MSRA: variants seen among roughly 807,000 people sequenced by gnomAD.
MSRA encodes the protein methionine sulfoxide reductase A.
MSRA carries 54 observed loss-of-function variants against 31.3 expected under a neutral mutation model. That is an observed-to-expected ratio of 1.73 (90% confidence interval 1.39 to 2.17). The LOEUF (loss-of-function observed/expected upper bound fraction) is 2.17, where lower values mean the gene tolerates loss of function less well. Among genes scored for constraint, MSRA ranks in the 30% most tolerant of loss-of-function variants. The pLI is 0.00. For missense variants in MSRA, 507 were observed against 300.9 expected (o/e 1.69, Z -5.07); for synonymous variants, 169 against 116.5 (o/e 1.45, Z -2.90).
chr8:10,081,290 C>T (rs1031078243), intron 1 of MSRA, among the ~76,000 whole-genome samples: 2 of 152,208 alleles, frequency 1.3e-5, no homozygotes, highest in Non-Finnish European at 2.9e-5. Flanking sequence ...TAGCTGACTT[C>T]TATAACCCAC....
intron 1 of MSRA, among the ~76,000 whole-genome samples, chr8:10,153,762 G>T (rs1165939742): frequency 1.3e-5 from 2 of 152,158 alleles, no homozygotes; most frequent in Admixed American, 1.3e-4. Context: ...ATATGTTCGA[G>T]GAGGAAGCCG....
At chr8:10,285,355 A>G (rs1799878568) in intron 3 of MSRA, among the ~76,000 whole-genome samples, 1 of 151,908 alleles carries the variant, frequency 6.6e-6, no homozygotes, top group African/African-American at 2.4e-5. Context: ...TGGTTTTGTT[A>G]TTTTCATTTG....
chr8:10,169,748 A>G (rs1283486088), intron 1 of MSRA, among the ~76,000 whole-genome samples: 1 of 152,162 alleles, frequency 6.6e-6, no homozygotes, highest in Admixed American at 6.5e-5. Flanking sequence ...AAAAACTGAA[A>G]AATTCCTAAC....
chr8:10,275,092 C>CTTTTTTTTTTTTTTTTTTTTTTTTTTT (rs1563297479), intron 3 of MSRA, among the ~76,000 whole-genome samples: 1 of 152,058 alleles, frequency 6.6e-6, no homozygotes, highest in African/African-American at 2.4e-5. Context: ...GAGAATAATT[C>CTTTTTTTTTTTTTTTTTTTTTTTTTTT]TTATTTGCTG....
chr8:10,209,435 G>T (rs1239696196), intron 2 of MSRA, among the ~76,000 whole-genome samples: 1 of 152,230 alleles, frequency 6.6e-6, no homozygotes, highest in Non-Finnish European at 1.5e-5. Context: ...TTGAAGGGCA[G>T]ATTCAGTACC....
intron 1 of MSRA, among the ~76,000 whole-genome samples, chr8:10,068,704 G>T (rs1797583075): frequency 6.6e-6 from 1 of 152,202 alleles, no homozygotes; most frequent in African/African-American, 2.4e-5. Context: ...TGTTGAAGTT[G>T]AGTAGCATCG....
chr8:10,079,173 T>G (rs1391058094), intron 1 of MSRA, among the ~76,000 whole-genome samples: 1 of 152,090 alleles, frequency 6.6e-6, no homozygotes. Flanking sequence ...TTTTTCTTTT[T>G]TTTTAGGCAG....
At chr8:10,216,221 C>G (rs1315734999) in intron 2 of MSRA, among the ~76,000 whole-genome samples, 1 of 152,120 alleles carries the variant, frequency 6.6e-6, no homozygotes, top group Non-Finnish European at 1.5e-5. Flanking sequence ...ACACAGCCAA[C>G]TAACATGCAT....
chr8:10,343,603 G>A (rs371772522), intron 5 of MSRA, among the ~76,000 whole-genome samples: 15 of 152,206 alleles, frequency 9.9e-5, no homozygotes, highest in East Asian at 9.6e-4. Context: ...GCTTAGTGAG[G>A]GTAGGTAACC....
At chr8:10,167,951 C>T (rs1248656699) in intron 1 of MSRA, among the ~76,000 whole-genome samples, 2 of 152,126 alleles carry the variant, frequency 1.3e-5, no homozygotes, top group African/African-American at 2.4e-5. Flanking sequence ...CATGGGTGGC[C>T]AGGAATGGAG....
At chr8:10,076,086 G>T (rs1021081819) in intron 1 of MSRA, among the ~76,000 whole-genome samples, 1 of 104,026 alleles carries the variant, frequency 9.6e-6, no homozygotes, top group Non-Finnish European at 2.5e-5. Context: ...TGCGTCATGT[G>T]CTTACTGGCT....
chr8:10,207,497 G>A (rs925436414), intron 1 of MSRA, among the ~76,000 whole-genome samples: 7 of 152,162 alleles, frequency 4.6e-5, no homozygotes, highest in African/African-American at 1.7e-4. Flanking sequence ...TTGGAGCTTT[G>A]CTTGTTTTTT....
At chr8:10,282,418 G>C (rs1469871567) in intron 3 of MSRA, among the ~76,000 whole-genome samples, 1 of 152,188 alleles carries the variant, frequency 6.6e-6, no homozygotes, top group Non-Finnish European at 1.5e-5. Flanking sequence ...CAAGATGAAA[G>C]CTACAAAAGT....
chr8:10,145,024 A>G (rs1255332538), intron 1 of MSRA, among the ~76,000 whole-genome samples: 1 of 152,088 alleles, frequency 6.6e-6, no homozygotes, highest in Non-Finnish European at 1.5e-5. Context: ...TTTTCCTTTC[A>G]GACAATAAAT....
At chr8:10,080,778 A>C (rs1364696081) in intron 1 of MSRA, among the ~76,000 whole-genome samples, 1 of 150,592 alleles carries the variant, frequency 6.6e-6, no homozygotes, top group Non-Finnish European at 1.5e-5. Flanking sequence ...GGCTCAAGCG[A>C]TCCTCCTGCC....
intron 3 of MSRA, 54 bp downstream of exon 3, chr8:10,245,277 A>ACC: frequency 6.5e-7 from 1 of 1,543,582 alleles, no homozygotes; most frequent in Non-Finnish European, 8.8e-7. Flanking sequence ...AGGGCTTGTC[A>ACC]CTACTGTTGG....
intron 1 of MSRA, among the ~76,000 whole-genome samples, chr8:10,160,764 G>A (rs867736283): frequency 7.9e-5 from 12 of 152,026 alleles, no homozygotes; most frequent in African/African-American, 2.4e-4. Flanking sequence ...TCCTGACCTC[G>A]TGATCCACAC....
At chr8:10,349,338 C>T (rs951708423) in intron 5 of MSRA, among the ~76,000 whole-genome samples, 5 of 152,152 alleles carry the variant, frequency 3.3e-5, no homozygotes, top group African/African-American at 1.2e-4. Flanking sequence ...TCTGCTCCGC[C>T]GTGCTCTTCC....
At chr8:10,074,113 C>T (rs574397987) in intron 1 of MSRA, among the ~76,000 whole-genome samples, 41 of 117,702 alleles carry the variant, frequency 3.5e-4, no homozygotes, top group African/African-American at 7.2e-4. Context: ...AATGGAGTCT[C>T]GCTCTGTCCC....
Sources: gnomAD v4.1 joint callset for allele counts (sites outside exome capture counted in the v4.1 genomes callset) on GRCh38, gnomAD v4.1.1 for gene constraint, MANE v1.5 for transcripts, NCBI Gene and HGNC (gene_info 2026-07-23, HGNC 2026-07-21) for gene names.